FAM200B: variants seen among roughly 807,000 people sequenced by gnomAD.
The protein encoded by FAM200B is zinc finger BED-type containing 11.
A neutral mutation model predicts 33.1 loss-of-function variants in FAM200B; 32 were observed. That is an observed-to-expected ratio of 0.97 (90% confidence interval 0.73 to 1.30). FAM200B has a LOEUF of 1.30. Among genes scored for constraint, FAM200B ranks in the 50% most tolerant of loss-of-function variants. The pLI is 0.00. For missense variants in FAM200B, 741 were observed against 754.0 expected, an observed-to-expected ratio of 0.98 and a Z score of 0.20; for synonymous variants, 240 against 264.8, an observed-to-expected ratio of 0.91 and a Z score of 0.91.
At chr4:15,644,827 A>G in the FAM200B span, 1 of 667,828 alleles carries the variant, frequency 1.5e-6, no homozygotes, top group Non-Finnish European at 2.5e-6. Flanking sequence ...ACACTTGGTT[A>G]AAGTACAAAT....
rs1719213757 is a variant in FAM200B at position 15,689,578 on chromosome 4, A to C, written c.*627A>C. 1 of 166,402 alleles carries C rather than the reference A, an allele frequency of 6.0e-6. No individual in the cohort carries two copies. Among genetic ancestry groups the C allele is most frequent in the African/African-American group, 2.4e-5 (1 of 41,462 alleles). The allele number at this position is 166,402 out of a possible 1,614,324, so 10.3% of individuals were successfully genotyped here. ...CTGTTGAGCCCAGGAGTTCAAGACC[A>C]TCCTGGGCAACATAGTGAGACCTTA... On this transcript the variant is annotated 3_prime_UTR_variant, in exon 2 of 2. Coordinates refer to ENST00000422728, the MANE Select transcript of FAM200B (RefSeq NM_001145191.2).
the FAM200B span, chr4:15,655,349 C>T: frequency 3.2e-6 from 4 of 1,261,608 alleles, no homozygotes; most frequent in Non-Finnish European, 4.1e-6. Context: ...GACACCCTCG[C>T]CGCGGGGCAG....
At chr4:15,652,401 C>A in the FAM200B span, among the ~76,000 whole-genome samples, 1 of 152,146 alleles carries the variant, frequency 6.6e-6, no homozygotes, top group Non-Finnish European at 1.5e-5. Flanking sequence ...GCCTCTAAGT[C>A]CCCAGCTATA....
At chr4:15,651,730 C>T in the FAM200B span, among the ~76,000 whole-genome samples, 36,862 of 152,088 alleles carry the variant, frequency 0.24, 4,710 homozygotes, top group African/African-American at 0.29. Flanking sequence ...TAAATAAATT[C>T]TTTCATAAAA....
At chr4:15,653,789 TCTC>T in the FAM200B span, among the ~76,000 whole-genome samples, 2 of 152,212 alleles carry the variant, frequency 1.3e-5, no homozygotes, top group Non-Finnish European at 2.9e-5. Context: ...TCCTCATGCT[TCTC>T]CTAGATGAGT....
At chr4:15,673,440 CA>C in the FAM200B span, among the ~76,000 whole-genome samples, 1 of 151,112 alleles carries the variant, frequency 6.6e-6, no homozygotes, top group African/African-American at 2.4e-5. Flanking sequence ...GACCTCATCT[CA>C]AAAAAAATAA....
the FAM200B span, among the ~76,000 whole-genome samples, chr4:15,640,392 T>TAAA: frequency 5.2e-5 from 1 of 19,246 alleles, no homozygotes; most frequent in Non-Finnish European, 1.1e-4. Flanking sequence ...ACTACACTAC[T>TAAA]GAAAAAAAAA....
the FAM200B span, among the ~76,000 whole-genome samples, chr4:15,651,060 G>T: frequency 6.6e-6 from 1 of 152,024 alleles, no homozygotes; most frequent in Non-Finnish European, 1.5e-5. Context: ...ATAAGAAAAC[G>T]GCATAACAAA....
chr4:15,680,043 G>A (rs371579442), upstream of FAM200B, among the ~76,000 whole-genome samples: 3 of 152,032 alleles, frequency 2.0e-5, no homozygotes, highest in African/African-American at 7.2e-5. Flanking sequence ...CTACAAAATG[G>A]AGTATGTGAC....
At chr4:15,641,164 C>T in the FAM200B span, among the ~76,000 whole-genome samples, 1 of 151,980 alleles carries the variant, frequency 6.6e-6, no homozygotes, top group African/African-American at 2.4e-5. Context: ...AAATTATATA[C>T]ATTTATATAA....
intron 1 of FAM200B, among the ~76,000 whole-genome samples, chr4:15,684,351 A>AT (rs954496652): frequency 9.2e-5 from 14 of 152,338 alleles, no homozygotes; most frequent in African/African-American, 3.4e-4. Context: ...CTCCCCTAAA[A>AT]TTCCTCTGGC....
the FAM200B span, among the ~76,000 whole-genome samples, chr4:15,669,214 A>G: frequency 2.0e-5 from 3 of 152,322 alleles, no homozygotes; most frequent in African/African-American, 7.2e-5. Context: ...GATACAAACT[A>G]CATACTTTGG....
chr4:15,660,478 A>G, the FAM200B span, among the ~76,000 whole-genome samples: 1 of 152,198 alleles, frequency 6.6e-6, no homozygotes, highest in Non-Finnish European at 1.5e-5. Flanking sequence ...CTACCTAGAA[A>G]TAGAGATGTC....
the FAM200B span, among the ~76,000 whole-genome samples, chr4:15,654,290 G>A: frequency 6.6e-6 from 1 of 152,192 alleles, no homozygotes; most frequent in African/African-American, 2.4e-5. Context: ...GACTGCCTGA[G>A]GTTTGCAGAT....
In FAM200B at chr4:15,683,769, A is replaced by G. The variant is rs77477372; in HGVS notation, c.-743+1868A>G. Among the ~76,000 whole-genome samples the G allele has an allele frequency of 2.4e-3, 370 of 152,332 alleles. 1 individual carries two copies. The highest frequency in any genetic ancestry group is 4.3e-3 in the Non-Finnish European group (293 of 68,028). ...TATGTTTTATTAGCCTTCGTCTTACATATTTCCCAGTTGTCCAAATATAGT... is the reference window on the plus strand; with the variant it reads ...TATGTTTTATTAGCCTTCGTCTTACGTATTTCCCAGTTGTCCAAATATAGT... On this transcript the variant is annotated intron_variant, in intron 1 of 1. Coordinates refer to ENST00000422728, the MANE Select transcript of FAM200B (RefSeq NM_001145191.2).
At chr4:15,674,002 A>C in the FAM200B span, among the ~76,000 whole-genome samples, 2 of 152,096 alleles carry the variant, frequency 1.3e-5, no homozygotes, top group Non-Finnish European at 2.9e-5. Flanking sequence ...TCCATTTTTT[A>C]TTGTTTCTGG....
chr4:15,649,332 C>G, the FAM200B span, among the ~76,000 whole-genome samples: 1 of 152,046 alleles, frequency 6.6e-6, no homozygotes, highest in Non-Finnish European at 1.5e-5. Context: ...GTAATCCCAG[C>G]ACTTTGGGAG....
the FAM200B span, among the ~76,000 whole-genome samples, chr4:15,660,406 A>G: frequency 6.6e-6 from 1 of 152,154 alleles, no homozygotes; most frequent in Non-Finnish European, 1.5e-5. Flanking sequence ...AAAACTCAAA[A>G]CAGAGTACCA....
upstream of FAM200B, among the ~76,000 whole-genome samples, chr4:15,680,891 AAAAT>A (rs1718221098): frequency 1.3e-5 from 2 of 149,470 alleles, no homozygotes; most frequent in African/African-American, 4.9e-5. Context: ...TCAACCCAAA[AAAAT>A]AAAGCAGTAT....
Sources: allele counts gnomAD v4.1 joint callset (sites outside exome capture counted in the v4.1 genomes callset), GRCh38; gene constraint gnomAD v4.1.1; transcripts MANE v1.5; gene names NCBI Gene and HGNC (gene_info 2026-07-23, HGNC 2026-07-21).